The following VPS39 variants were observed in gnomAD, a reference collection of about 807,000 sequenced individuals.
VPS39 encodes VPS39 subunit of HOPS complex, also known as vam6/Vps39-like protein.
Under a neutral mutation model 121.0 loss-of-function variants are expected in VPS39, and 70 were observed. That is an observed-to-expected ratio of 0.58 (90% CI 0.48 to 0.71). The LOEUF is 0.71. VPS39 is among the 30% of genes least tolerant of loss of function. The pLI is 0.00. For synonymous variants in VPS39, 378 were observed against 398.1 expected (o/e 0.95, Z 0.60); for missense variants, 818 against 1,051.5 (o/e 0.78, Z 3.07).
intron 21 of VPS39, 119 bp from the exon 22 acceptor site, chr15:42,162,600 T>C: frequency 1.7e-6 from 2 of 1,194,500 alleles, no homozygotes; most frequent in Non-Finnish European, 2.2e-6. Context: ...ACTGAGCATG[T>C]AAAACTGGTC....
intron 15 of VPS39, 147 bp downstream of exon 15, chr15:42,166,416 G>A (rs2140839735): frequency 4.4e-6 from 5 of 1,146,042 alleles, no homozygotes; most frequent in South Asian, 1.5e-5. Context: ...GCCAACCACC[G>A]AGGGACTTTT....
intron 7 of VPS39, among the ~76,000 whole-genome samples, chr15:42,185,040 C>T (rs185970326): frequency 1.8e-4 from 27 of 152,270 alleles, no homozygotes; most frequent in African/African-American, 6.0e-4. Flanking sequence ...GCCATATGCC[C>T]CTTAAAGATA....
At chr15:42,166,088 T>G (rs1273245762) in intron 16 of VPS39, 71 bp downstream of exon 16, 1 of 1,432,154 alleles carries the variant, frequency 7.0e-7, no homozygotes, top group Non-Finnish European at 9.8e-7. Flanking sequence ...CTCCTCTCCA[T>G]CCACTGCTGT....
At chr15:42,165,198 A>T in intron 17 of VPS39, 85 bp from the exon 18 acceptor site, 1 of 1,274,120 alleles carries the variant, frequency 7.8e-7, no homozygotes, top group Admixed American at 1.7e-5. Context: ...TTAAGGCCCA[A>T]CAGGTCCCAT....
intron 1 of VPS39, among the ~76,000 whole-genome samples, chr15:42,201,861 T>G (rs138393618): frequency 7.2e-5 from 11 of 152,334 alleles, no homozygotes; most frequent in Admixed American, 3.3e-4. Context: ...TAAAATAAAA[T>G]CTTGGATAAT....
At chr15:42,176,452 T>C (rs2049453650) in intron 10 of VPS39, among the ~76,000 whole-genome samples, 1 of 152,046 alleles carries the variant, frequency 6.6e-6, no homozygotes. Flanking sequence ...AATGATTACA[T>C]CTGGAGGAGA....
chr15:42,196,816 A>G (rs1566909705), intron 2 of VPS39, among the ~76,000 whole-genome samples: 5 of 152,204 alleles, frequency 3.3e-5, no homozygotes, highest in Non-Finnish European at 5.9e-5. Flanking sequence ...CAGCCATCCC[A>G]TTACTGAGTA....
intron 5 of VPS39, among the ~76,000 whole-genome samples, chr15:42,188,615 G>C (rs2049754655): frequency 6.6e-6 from 1 of 152,164 alleles, no homozygotes; most frequent in African/African-American, 2.4e-5. Flanking sequence ...CACGCACAGG[G>C]AATGCAAACG....
rs1351701508 is a variant in VPS39 at position 42,173,612 on chromosome 15, A to T, written c.1090+111T>A. On this transcript the variant is annotated intron_variant, in intron 11 of 24. Coordinates refer to ENST00000318006, the MANE Select transcript of VPS39 (RefSeq NM_015289.5). The stretch of plus-strand genomic sequence containing the variant: ...TCTTGCTAGGTATGAGGATCAATTT[A>T]GCTGAGCCTAAACCTTCTCCATTCT... 5.0e-6 allele frequency: 7 copies of T among 1,408,748 alleles called. No individual in the cohort carries two copies. In the East Asian group the frequency reaches 1.4e-4, roughly 28 times the overall value. The allele number at this position is 1,408,748 out of a possible 1,614,324, so 87.3% of individuals were successfully genotyped here. A position where few individuals can be genotyped will look rare whatever the true frequency, so the allele number is the denominator to read the frequency against.
At chr15:42,202,115 T>C (rs1343817798) in intron 1 of VPS39, among the ~76,000 whole-genome samples, 1 of 151,782 alleles carries the variant, frequency 6.6e-6, no homozygotes, top group Admixed American at 6.6e-5. Flanking sequence ...TGCTGTGATG[T>C]ACTTACTAAG....
At chr15:42,168,670 A>T (rs2049292673) in intron 12 of VPS39, among the ~76,000 whole-genome samples, 2 of 151,748 alleles carry the variant, frequency 1.3e-5, no homozygotes, top group Non-Finnish European at 2.9e-5. Flanking sequence ...CAGCCTCCTG[A>T]ATAGCTGGGA....
Position 42,208,297 on chromosome 15 carries a change from T to G in VPS39, c.-144A>C, listed in dbSNP as rs997649390. 1.9e-6 allele frequency: 2 copies of G among 1,072,888 alleles called. No homozygotes were observed. The highest frequency in any genetic ancestry group is 5.3e-5 in the East Asian group (2 of 37,768). The allele number at this position is 1,072,888 out of a possible 1,614,324, so 66.5% of individuals were successfully genotyped here. ...AGGCCCTTCAACAACACAGCCATCG[T>G]CAACCCCGGACTTCCTGCTAGTTAG... is the stretch of plus-strand genomic sequence containing the variant. On this transcript the variant is annotated 5_prime_UTR_variant, in exon 1 of 25. Transcript: ENST00000318006.
chr15:42,204,478 C>T (rs1357712605), intron 1 of VPS39, among the ~76,000 whole-genome samples: 1 of 152,088 alleles, frequency 6.6e-6, no homozygotes, highest in African/African-American at 2.4e-5. Flanking sequence ...GACGAAACCC[C>T]GTCTCTACTA....
Position 42,160,660 on chromosome 15 carries a change from T to A in VPS39, c.*94A>T. 9.2e-7 allele frequency: 1 copy of A among 1,091,910 alleles called. No individual in the cohort carries two copies. The highest frequency in any genetic ancestry group is 1.4e-6 in the Non-Finnish European group (1 of 706,150). The allele number at this position is 1,091,910 out of a possible 1,614,324, so 67.6% of individuals were successfully genotyped here. On this transcript the variant is annotated 3_prime_UTR_variant, in exon 25 of 25. Transcript: ENST00000318006. ...AGTAATGTCCAAATGGGGAGCCTTG[T>A]GGTGGTGGCAGCCAGGATTCCTAAG...
rs75341035 is a variant in VPS39, at chr15:42,202,178, A to G, written c.74-2217T>C. On this transcript the variant is annotated intron_variant, in intron 1 of 24. Transcript: ENST00000318006. ...AGCCAAAGGTTGTCTGAATGGCAGT[A>G]GTTATATTTATAAAAACAGGTCAGC... is the stretch of plus-strand genomic sequence containing the variant. Among the ~76,000 whole-genome samples the G allele has an allele frequency of 1.5e-3, 221 of 152,360 alleles. 1 individual carries two copies. Among genetic ancestry groups the G allele is most frequent in the African/African-American group, 5.0e-3 (209 of 41,576 alleles).
Position 42,164,500 on chromosome 15 carries a change from C to A in VPS39, c.1898-14G>T. On this transcript the variant is annotated splice_polypyrimidine_tract_variant and intron_variant, in intron 18 of 24. Coordinates refer to ENST00000318006, the MANE Select transcript of VPS39 (RefSeq NM_015289.5). ...CTGGGGTTTTGCCTTTAAGGGAAAC[C>A]AAGCTCAAAATGAAAGGACACTGCC... The A allele has an allele frequency of 6.2e-7, 1 of 1,613,416 alleles. No homozygotes were observed. The highest frequency in any genetic ancestry group is 8.5e-7 in the Non-Finnish European group (1 of 1,179,852).
At position 42,165,036 on chromosome 15, in the gene VPS39, C is replaced by A. The variant is rs768678475; in HGVS notation, c.1857G>T (p.Val619=). 1.9e-6 allele frequency: 3 copies of A among 1,614,098 alleles called. No individual in the cohort carries two copies. Among genetic ancestry groups the A allele is most frequent in the Non-Finnish European group, 2.5e-6 (3 of 1,180,048 alleles). The change falls in exon 18 of 25, where the codon GTG becomes GTT. Residue 619 remains valine (V), a synonymous_variant. Coordinates refer to ENST00000318006, the MANE Select transcript of VPS39 (RefSeq NM_015289.5). Reference sequence around the variant, plus strand: ...GGAGATACTCCTTCATCAGACCTTGCACCTTCTCACAGTATAGCTGGATCA... The same window carrying A: ...GGAGATACTCCTTCATCAGACCTTGAACCTTCTCACAGTATAGCTGGATCA... ...NCLIQLYCEK[V]QGLMKEYLLS... is the part of the protein sequence containing the mutation.
chr15:42,164,756 G>A (rs1447699783), intron 18 of VPS39: 3 of 1,429,300 alleles, frequency 2.1e-6, no homozygotes, highest in African/African-American at 2.9e-5. Context: ...AGACAGGTCT[G>A]TTCCTTCCAC....
intron 14 of VPS39, 55 bp downstream of exon 14, chr15:42,166,717 G>A (rs988421872): frequency 3.3e-5 from 53 of 1,613,740 alleles, no homozygotes; most frequent in Non-Finnish European, 4.2e-5. Context: ...ATCTCAGTGG[G>A]TTTCCCCTGC....
Sources: allele counts gnomAD v4.1 joint callset (sites outside exome capture counted in the v4.1 genomes callset), GRCh38; gene constraint gnomAD v4.1.1; transcripts MANE v1.5; gene names NCBI Gene and HGNC (gene_info 2026-07-23, HGNC 2026-07-21).